Variants in CYP7B1 observed in about 807,000 individuals in gnomAD.
The protein encoded by CYP7B1 is cytochrome P450 7B1.
Under a neutral mutation model 42.7 loss-of-function variants are expected in CYP7B1, and 29 were observed. That is an observed-to-expected ratio of 0.68 (90% confidence interval 0.51 to 0.93). CYP7B1 has a LOEUF of 0.93. Among genes scored for constraint, CYP7B1 ranks in the 40% least tolerant of loss-of-function variants. The probability of loss-of-function intolerance (pLI) is 0.00; values close to 1 mark genes in which losing one functional copy is unlikely to be tolerated. For synonymous variants in CYP7B1, 235 were observed against 218.2 expected, an observed-to-expected ratio of 1.08 and a Z score of -0.68; for missense variants, 655 against 600.5, an observed-to-expected ratio of 1.09 and a Z score of -0.95.
chr8:64,774,673 C>T (rs1040965904), intron 1 of CYP7B1, among the ~76,000 whole-genome samples: 8 of 152,104 alleles, frequency 5.3e-5, no homozygotes, highest in Non-Finnish European at 8.8e-5. Flanking sequence ...CGGCTATAAC[C>T]CCCTTAGTGG....
chr8:64,626,262 A>G (rs906402716), intron 1 of CYP7B1, among the ~76,000 whole-genome samples: 3 of 151,812 alleles, frequency 2.0e-5, no homozygotes, highest in Admixed American at 6.6e-5. Context: ...GGACCTAGGG[A>G]AAAAAAACCA....
At chr8:64,708,623 G>T (rs1487037962) in intron 1 of CYP7B1, among the ~76,000 whole-genome samples, 1 of 152,056 alleles carries the variant, frequency 6.6e-6, no homozygotes, top group East Asian at 1.9e-4. Flanking sequence ...ATTTAATATG[G>T]TCATGAGGAC....
chr8:64,615,123 G>T lies in CYP7B1; in HGVS notation c.960C>A (p.Asp320Glu). 6.2e-7 allele frequency: 1 copy of T among 1,613,570 alleles called. No individual in the cohort carries two copies. The change falls in exon 4 of 6, where the codon GAC becomes GAA. Residue 320 changes from aspartate to glutamate, a missense_variant. Coordinates refer to ENST00000310193, the MANE Select transcript of CYP7B1 (RefSeq NM_004820.5). ...RHPEAMAAVR[D>E]EIDRLLQSTG... is the part of the protein sequence containing the mutation. ...TTGACTGCAGCAAACGGTCAATTTC[G>T]TCACGCACTGCTGCCATAGCTTCTG...
At chr8:64,602,586 T>C (rs1299154603) in intron 5 of CYP7B1, among the ~76,000 whole-genome samples, 1 of 152,224 alleles carries the variant, frequency 6.6e-6, no homozygotes. Flanking sequence ...CTAACACCTA[T>C]TGCCTGTTAT....
At chr8:64,748,616 T>G (rs1334105289) in intron 1 of CYP7B1, among the ~76,000 whole-genome samples, 1 of 152,156 alleles carries the variant, frequency 6.6e-6, no homozygotes, top group East Asian at 1.9e-4. Flanking sequence ...CTCTCACAGA[T>G]TTACTTTCCC....
At chr8:64,709,235 T>C (rs900771297) in intron 1 of CYP7B1, among the ~76,000 whole-genome samples, 10 of 152,210 alleles carry the variant, frequency 6.6e-5, no homozygotes, top group African/African-American at 2.4e-4. Context: ...TCAAGCCTGT[T>C]TAGCTGCAAA....
At position 64,615,115 on chromosome 8, in the gene CYP7B1, T is replaced by G. The variant is rs1163804584; in HGVS notation, c.968A>C (p.Asp323Ala). ...TTGACCTGTTGACTGCAGCAAACGG[T>G]CAATTTCGTCACGCACTGCTGCCAT... is the stretch of plus-strand genomic sequence containing the variant. ...EAMAAVRDEI[D>A]RLLQSTGQKK... Residue 323 changes from aspartate (D) to alanine (A), a missense_variant, in exon 4 of 6, where the codon GAC becomes GCC. Coordinates refer to ENST00000310193, the MANE Select transcript of CYP7B1 (RefSeq NM_004820.5). The G allele has an allele frequency of 1.2e-6, 2 of 1,613,558 alleles. No homozygotes were observed. The highest frequency in any genetic ancestry group is 1.7e-6 in the Non-Finnish European group (2 of 1,179,804).
At chr8:64,780,255 A>G (rs1211788314) in intron 1 of CYP7B1, among the ~76,000 whole-genome samples, 1 of 152,152 alleles carries the variant, frequency 6.6e-6, no homozygotes, top group African/African-American at 2.4e-5. Flanking sequence ...CAATTACTGT[A>G]CCAAACTATT....
intron 1 of CYP7B1, among the ~76,000 whole-genome samples, chr8:64,656,941 G>A (rs185749836): frequency 1.3e-5 from 2 of 152,158 alleles, no homozygotes; most frequent in East Asian, 1.9e-4. Flanking sequence ...ACAGACTGGT[G>A]GCCTAGGAAG....
At chr8:64,666,057 C>T (rs549124718) in intron 1 of CYP7B1, among the ~76,000 whole-genome samples, 143 of 152,282 alleles carry the variant, frequency 9.4e-4, no homozygotes, top group African/African-American at 3.3e-3. Context: ...GAATGATATA[C>T]ACCACAATGT....
At chr8:64,752,670 G>A (rs1314668703) in intron 1 of CYP7B1, among the ~76,000 whole-genome samples, 2 of 152,130 alleles carry the variant, frequency 1.3e-5, no homozygotes, top group African/African-American at 4.8e-5. Flanking sequence ...AAGAGAAACT[G>A]CAAAATCTTA....
intron 1 of CYP7B1, among the ~76,000 whole-genome samples, chr8:64,731,361 G>C (rs1305732398): frequency 6.6e-6 from 1 of 152,154 alleles, no homozygotes; most frequent in Non-Finnish European, 1.5e-5. Context: ...AACTTGTTGG[G>C]AACTGTAACA....
Sources: allele counts gnomAD v4.1 joint callset (sites outside exome capture counted in the v4.1 genomes callset), GRCh38; gene constraint gnomAD v4.1.1; transcripts MANE v1.5; gene names NCBI Gene and HGNC (gene_info 2026-07-23, HGNC 2026-07-21).